LHFPL3: variants seen among roughly 807,000 people sequenced by gnomAD.
LHFPL3 encodes the protein LHFPL tetraspan subfamily member 3.
Under a neutral mutation model 19.3 loss-of-function variants are expected in LHFPL3, and 5 were observed. The observed-to-expected ratio is 0.26, with a 90% CI of 0.14 to 0.54. The LOEUF is 0.54. Ranked by LOEUF, LHFPL3 falls within the 20% of genes least tolerant of loss-of-function variation. The probability of loss-of-function intolerance (pLI) is 0.94; values close to 1 mark genes in which losing one functional copy is unlikely to be tolerated. For missense variants in LHFPL3, 249 were observed against 307.4 expected, an observed-to-expected ratio of 0.81 and a Z score of 1.42; for synonymous variants, 133 against 126.2, an observed-to-expected ratio of 1.05 and a Z score of -0.36.
intron 1 of LHFPL3, among the ~76,000 whole-genome samples, chr7:104,509,130 T>A (rs932090490): frequency 6.6e-6 from 1 of 151,984 alleles, no homozygotes; most frequent in Non-Finnish European, 1.5e-5. Flanking sequence ...TATAAGAAAT[T>A]GTTAGGCCTA....
intron 1 of LHFPL3, among the ~76,000 whole-genome samples, chr7:104,606,853 A>C (rs1374759300): frequency 6.6e-6 from 1 of 152,118 alleles, no homozygotes; most frequent in African/African-American, 2.4e-5. Context: ...GGTGTGGAAA[A>C]TGGTCCTCAG....
intron 2 of LHFPL3, among the ~76,000 whole-genome samples, chr7:104,769,778 A>G (rs546650276): frequency 2.0e-5 from 3 of 152,332 alleles, no homozygotes; most frequent in African/African-American, 7.2e-5. Context: ...ACTTGGAACC[A>G]ACCCAAATGT....
At chr7:104,855,538 C>T (rs1791486434) in intron 2 of LHFPL3, among the ~76,000 whole-genome samples, 1 of 152,118 alleles carries the variant, frequency 6.6e-6, no homozygotes, top group South Asian at 2.1e-4. Flanking sequence ...ACTAGAGAAA[C>T]AGATATGCTC....
At chr7:104,541,382 G>T (rs1000608751) in intron 1 of LHFPL3, among the ~76,000 whole-genome samples, 5 of 152,136 alleles carry the variant, frequency 3.3e-5, no homozygotes, top group African/African-American at 1.2e-4. Flanking sequence ...CACAGAGGAG[G>T]CACCAGATGA....
chr7:104,841,548 G>A (rs1202790519), intron 2 of LHFPL3, among the ~76,000 whole-genome samples: 1 of 150,752 alleles, frequency 6.6e-6, no homozygotes, highest in African/African-American at 2.4e-5. Context: ...GTACCTGTGT[G>A]TGGCTGTCCC....
intron 1 of LHFPL3, among the ~76,000 whole-genome samples, chr7:104,647,394 C>A (rs1015675885): frequency 3.9e-5 from 6 of 152,258 alleles, no homozygotes; most frequent in African/African-American, 1.4e-4. Context: ...AAGTATTCAT[C>A]CAGCCTCTGA....
At chr7:104,617,771 T>G (rs1791375239) in intron 1 of LHFPL3, among the ~76,000 whole-genome samples, 1 of 152,224 alleles carries the variant, frequency 6.6e-6, no homozygotes, top group African/African-American at 2.4e-5. Context: ...TTTAATATAT[T>G]CATGGAAATG....
intron 1 of LHFPL3, among the ~76,000 whole-genome samples, chr7:104,649,013 A>G (rs1791980566): frequency 6.6e-6 from 1 of 152,124 alleles, no homozygotes. Flanking sequence ...CTATTTTCCT[A>G]CACTCCTTGT....
chr7:104,866,272 C>T (rs564747502), intron 2 of LHFPL3, among the ~76,000 whole-genome samples: 1 of 152,170 alleles, frequency 6.6e-6, no homozygotes, highest in Non-Finnish European at 1.5e-5. Flanking sequence ...TTAAAAGACA[C>T]AGACTGACAA....
Position 104,560,082 on chromosome 7 carries a change from C to A in LHFPL3, c.446-176593C>A, listed in dbSNP as rs532083176. 6.1e-5 allele frequency among the ~76,000 whole-genome samples: 9 copies of A among 146,882 alleles called. No homozygotes were observed. The East Asian group carries it at 1.8e-3, about 29-fold the overall frequency. The stretch of plus-strand genomic sequence containing the variant: ...TGATGTGCTGCTGGATTCCGTTTGC[C>A]AGTATTTTATTGAGGATTTTTGCAT... On this transcript the variant is annotated intron_variant, in intron 1 of 2. Transcript: ENST00000424859.
chr7:104,472,844 G>C (rs370627837), intron 1 of LHFPL3, among the ~76,000 whole-genome samples: 4 of 152,016 alleles, frequency 2.6e-5, no homozygotes, highest in African/African-American at 9.6e-5. Flanking sequence ...CTGTTTTTAT[G>C]ACTCTGTCTT....
intron 1 of LHFPL3, among the ~76,000 whole-genome samples, chr7:104,397,921 G>C (rs1048164419): frequency 2.0e-5 from 3 of 152,184 alleles, no homozygotes; most frequent in Non-Finnish European, 4.4e-5. Flanking sequence ...GTTTCATTGA[G>C]AGCAGAAAAC....
At chr7:104,815,122 T>G (rs1419153998) in intron 2 of LHFPL3, among the ~76,000 whole-genome samples, 1 of 152,034 alleles carries the variant, frequency 6.6e-6, no homozygotes, top group African/African-American at 2.4e-5. Flanking sequence ...CGAGGATGCA[T>G]GGGTCCATAG....
chr7:104,648,296 G>A (rs1180595710), intron 1 of LHFPL3, among the ~76,000 whole-genome samples: 1 of 152,110 alleles, frequency 6.6e-6, no homozygotes, highest in African/African-American at 2.4e-5. Flanking sequence ...CAAGCCCTGT[G>A]CTCAGACGCT....
chr7:104,403,725 TTCTCTCTC>T lies in LHFPL3; in HGVS notation c.445+74528_445+74535del, dbSNP rs71786184. 8.4e-3 allele frequency among the ~76,000 whole-genome samples: 1,206 copies of T among 143,650 alleles called. 7 individuals are homozygous for T. The highest frequency in any genetic ancestry group is 0.013 in the Admixed American group (184 of 14,532). 94.2% of individuals were successfully genotyped at this position (143,650 alleles called of 152,430 possible). A position where few individuals can be genotyped will look rare whatever the true frequency, so the allele number is the denominator to read the frequency against. ...AATCTAATCATGTCCTTAGTGAACA[TTCTCTCTC>T]TCTCTCTCTCTCTCTCTCTCTCTCT... is the stretch of plus-strand genomic sequence containing the variant. On this transcript the variant is annotated intron_variant, in intron 1 of 2. Coordinates refer to ENST00000424859, the MANE Select transcript of LHFPL3 (RefSeq NM_199000.3).
intron 2 of LHFPL3, among the ~76,000 whole-genome samples, chr7:104,771,606 T>G (rs1203001423): frequency 1.3e-5 from 2 of 151,966 alleles, no homozygotes; most frequent in Admixed American, 6.6e-5. Context: ...TTAAAGAAAA[T>G]TTGATTTTAC....
intron 1 of LHFPL3, among the ~76,000 whole-genome samples, chr7:104,331,481 T>C (rs539550994): frequency 1.7e-4 from 26 of 152,328 alleles, no homozygotes; most frequent in African/African-American, 6.0e-4. Context: ...GAAAAATTGA[T>C]TCTGATGACA....
rs1386458642 is a variant in LHFPL3, at chr7:104,426,779, A to G, written c.445+97555A>G. Among the ~76,000 whole-genome samples the G allele has an allele frequency of 3.3e-5, 5 of 152,152 alleles. No homozygotes were observed. The South Asian group carries it at 8.3e-4, about 25-fold the overall frequency. On this transcript the variant is annotated intron_variant, in intron 1 of 2. Coordinates refer to ENST00000424859, the MANE Select transcript of LHFPL3 (RefSeq NM_199000.3). ...GGACCAACCTCCTACTTTCATTTGCATTGGTGAGTTAAAAGGATACCTTTT... is the reference window on the plus strand; with the variant it reads ...GGACCAACCTCCTACTTTCATTTGCGTTGGTGAGTTAAAAGGATACCTTTT...
At chr7:104,501,532 C>A (rs1295219673) in intron 1 of LHFPL3, among the ~76,000 whole-genome samples, 1 of 152,116 alleles carries the variant, frequency 6.6e-6, no homozygotes. Flanking sequence ...AATTGTAGAA[C>A]TAAAGATACA....
Sources: gnomAD v4.1 joint callset for allele counts (sites outside exome capture counted in the v4.1 genomes callset) on GRCh38, gnomAD v4.1.1 for gene constraint, MANE v1.5 for transcripts, NCBI Gene and HGNC (gene_info 2026-07-23, HGNC 2026-07-21) for gene names.